Variants in IKBKE observed in about 807,000 individuals in gnomAD.
The protein encoded by IKBKE is inhibitor of nuclear factor kappa-B kinase subunit epsilon.
IKBKE carries 45 observed loss-of-function variants against 92.1 expected under a neutral mutation model. The ratio of observed to expected loss-of-function variants is 0.49; its 90% confidence interval spans 0.38 to 0.63. The LOEUF (loss-of-function observed/expected upper bound fraction) is 0.63. Ranked by LOEUF, IKBKE falls within the 20% of genes least tolerant of loss-of-function variation. The pLI is 0.00. For missense variants in IKBKE, 700 were observed against 932.8 expected, an observed-to-expected ratio of 0.75 and a Z score of 3.25; for synonymous variants, 374 against 380.3, an observed-to-expected ratio of 0.98 and a Z score of 0.19.
chr1:206,477,264 G>C (rs181304788), intron 7 of IKBKE, among the ~76,000 whole-genome samples: 5 of 152,152 alleles, frequency 3.3e-5, no homozygotes, highest in African/African-American at 9.6e-5. Flanking sequence ...CTCCCTCTGA[G>C]TGCACAGCCC....
intron 2 of IKBKE, chr1:206,472,929 A>C: frequency 2.2e-5 from 9 of 413,338 alleles, no homozygotes; most frequent in East Asian, 5.8e-5. Context: ...CTTCAAGGGA[A>C]CGTGGGGAGC....
chr1:206,488,058 T>C, intron 16 of IKBKE, 68 bp downstream of exon 16: 11 of 1,217,012 alleles, frequency 9.0e-6, no homozygotes, highest in African/African-American at 3.0e-5. Flanking sequence ...TTCTTCCTTT[T>C]CACTGGTGCT....
In IKBKE at chr1:206,475,977, G is replaced by A. The variant is rs191301982; in HGVS notation, c.359-204G>A. Among the ~76,000 whole-genome samples, 443 of 151,578 alleles carry A rather than the reference G, an allele frequency of 2.9e-3. 1 individual carries two copies. Among genetic ancestry groups the A allele is most frequent in the Non-Finnish European group, 4.7e-3 (322 of 68,004 alleles). The stretch of plus-strand genomic sequence containing the variant: ...CCATCTTGGTTTCCTAGAGAATCCA[G>A]ATGGTACCTCCATACCCTAGTGTCC... On this transcript the variant is annotated intron_variant, in intron 5 of 21. Coordinates refer to ENST00000581977, the MANE Select transcript of IKBKE (RefSeq NM_014002.4).
At chr1:206,471,873 C>G (rs1664794048) in intron 2 of IKBKE, among the ~76,000 whole-genome samples, 1 of 152,196 alleles carries the variant, frequency 6.6e-6, no homozygotes, top group Non-Finnish European at 1.5e-5. Context: ...CATAGGATTC[C>G]AGGCATGGCA....
chr1:206,483,390 TA>T (rs1553387727), intron 13 of IKBKE, among the ~76,000 whole-genome samples: 2 of 152,194 alleles, frequency 1.3e-5, no homozygotes, highest in Non-Finnish European at 2.9e-5. Context: ...TCCCATGCCT[TA>T]AAATCCATTT....
At chr1:206,484,910 C>T in intron 13 of IKBKE, 87 bp from the exon 14 acceptor site, 1 of 1,067,560 alleles carries the variant, frequency 9.4e-7, no homozygotes, top group Non-Finnish European at 1.4e-6. Flanking sequence ...AGATGCTATG[C>T]CCAGCATGTG....
chr1:206,476,112 C>G lies in IKBKE; in HGVS notation c.359-69C>G. On this transcript the variant is annotated intron_variant, in intron 5 of 21. Transcript: ENST00000581977. This position sits in a 1 kb window ranked among gnomAD's most constrained non-coding sequence, Gnocchi z 5.1. ...CTGGATGCAAGGACAGCCTTCCCAC[C>G]AAGATGAGCCTCAGACACTAGACTG... The G allele has an allele frequency of 6.7e-7, 1 of 1,494,420 alleles. No homozygotes were observed. Among genetic ancestry groups the G allele is most frequent in the East Asian group, 2.3e-5 (1 of 43,456 alleles). The allele number at this position is 1,494,420 out of a possible 1,614,324, so 92.6% of individuals were successfully genotyped here. A position where few individuals can be genotyped will look rare whatever the true frequency, so the allele number is the denominator to read the frequency against.
Position 206,489,735 on chromosome 1 carries a change from A to G in IKBKE, c.1694-1084A>G, listed in dbSNP as rs1665854107. Among the ~76,000 whole-genome samples, 4 of 152,058 alleles carry G rather than the reference A, an allele frequency of 2.6e-5. No individual in the cohort carries two copies. The South Asian group carries it at 6.2e-4, about 24-fold the overall frequency. Reference sequence around the variant, plus strand: ...AAACAACAACAATAACAAAACCTCTAGGCATCATTACCCTCCCCATTTTAT... The same window carrying G: ...AAACAACAACAATAACAAAACCTCTGGGCATCATTACCCTCCCCATTTTAT... On this transcript the variant is annotated intron_variant, in intron 16 of 21. Coordinates refer to ENST00000581977, the MANE Select transcript of IKBKE (RefSeq NM_014002.4).
In IKBKE at chr1:206,476,629, C is replaced by T; in HGVS notation, c.541-49C>T. On this transcript the variant is annotated intron_variant, in intron 6 of 21. Transcript: ENST00000581977. The surrounding 1 kb of genome is among the most constrained non-coding windows in gnomAD (Gnocchi z 5.1). ...AAAGGGGGTCTGACAGGTCTCAGGC[C>T]CTTGCCAGCCCTCCGGCTCCATGGC... 1.2e-6 allele frequency: 2 copies of T among 1,609,682 alleles called. No homozygotes were observed. Among genetic ancestry groups the T allele is most frequent in the Non-Finnish European group, 1.7e-6 (2 of 1,177,266 alleles).
intron 13 of IKBKE, 70 bp downstream of exon 13, chr1:206,480,603 C>A: frequency 1.8e-6 from 2 of 1,091,300 alleles, no homozygotes; most frequent in Non-Finnish European, 2.6e-6. Flanking sequence ...CTAGATACTT[C>A]CAACAATGCA....
At chr1:206,472,597 A>G (rs1664838176) in intron 2 of IKBKE, among the ~76,000 whole-genome samples, 1 of 151,764 alleles carries the variant, frequency 6.6e-6, no homozygotes, top group East Asian at 1.9e-4. Context: ...TCACACACAC[A>G]CACACACACA....
intron 2 of IKBKE, among the ~76,000 whole-genome samples, chr1:206,472,178 G>A (rs564462682): frequency 6.6e-6 from 1 of 152,294 alleles, no homozygotes; most frequent in East Asian, 1.9e-4. Context: ...TTGAGCCCAG[G>A]GGGTGGAGGT....
At chr1:206,472,404 A>C (rs1204282521) in intron 2 of IKBKE, among the ~76,000 whole-genome samples, 1 of 152,160 alleles carries the variant, frequency 6.6e-6, no homozygotes, top group Non-Finnish European at 1.5e-5. Context: ...TCTGGTACTA[A>C]TTGCTTTAGG....
Position 206,476,690 on chromosome 1 carries a change from T to C in IKBKE, c.553T>C (p.Tyr185His). 1.2e-6 allele frequency: 2 copies of C among 1,614,216 alleles called. No individual in the cohort carries two copies. Among genetic ancestry groups the C allele is most frequent in the Admixed American group, 3.3e-5 (2 of 60,028 alleles). The change falls in exon 7 of 22, where the codon TAT becomes CAT. Residue 185 changes from tyrosine (Y) to histidine (H), a missense_variant. Tyr to His is a moderately conservative substitution (Grantham distance 83). Coordinates refer to ENST00000581977, the MANE Select transcript of IKBKE (RefSeq NM_014002.4). This position sits in a 1 kb window ranked among gnomAD's most constrained non-coding sequence, Gnocchi z 5.1. The stretch of plus-strand genomic sequence containing the variant: ...TTCTCTCCGGCAGCATCCCGACATG[T>C]ATGAGCGGGCGGTGCTTCGAAAGCC... Reference protein sequence around the residue: ...GTEEYLHPDMYERAVLRKPQQ... With the variant: ...GTEEYLHPDMHERAVLRKPQQ...
In IKBKE at chr1:206,476,205, A is replaced by T. The variant is rs1186302502; in HGVS notation, c.383A>T (p.Glu128Val). ...GTGGCCGGCATGAACCACCTGCGGG[A>T]GAACGGCATTGTGCATCGCGACATC... Reference protein sequence around the residue: ...CVVAGMNHLRENGIVHRDIKP... With the variant: ...CVVAGMNHLRVNGIVHRDIKP... Residue 128 changes from glutamate (E) to valine (V), a missense_variant, in exon 6 of 22, where the codon GAG becomes GTG. Transcript: ENST00000581977. The surrounding 1 kb of genome is among the most constrained non-coding windows in gnomAD (Gnocchi z 5.1). 2.5e-6 allele frequency: 4 copies of T among 1,614,086 alleles called. No individual in the cohort carries two copies. The Middle Eastern group carries it at 5.0e-4, about 200-fold the overall frequency.
Position 206,482,447 on chromosome 1 carries a change from G to A in IKBKE, c.1427+1914G>A, listed in dbSNP as rs116180610. ...GGACAGGCATGGTGGGGAATGGCACGCTGGCCTGGGTCTGGCGTCCTGGCA... is the reference window on the plus strand; with the variant it reads ...GGACAGGCATGGTGGGGAATGGCACACTGGCCTGGGTCTGGCGTCCTGGCA... On this transcript the variant is annotated intron_variant, in intron 13 of 21. Transcript: ENST00000581977. Among the ~76,000 whole-genome samples the A allele has an allele frequency of 6.4e-3, 972 of 152,322 alleles. 9 individuals carry two copies. Among genetic ancestry groups the A allele is most frequent in the African/African-American group, 0.021 (883 of 41,570 alleles).
At position 206,474,423 on chromosome 1, in the gene IKBKE, G is replaced by A. The variant is rs1190392080; in HGVS notation, c.180G>A (p.Arg60=). 4.3e-6 allele frequency: 7 copies of A among 1,614,030 alleles called. No individual in the cohort carries two copies. Among genetic ancestry groups the A allele is most frequent in the Non-Finnish European group, 5.9e-6 (7 of 1,179,974 alleles). ...AGGTGAGGGAGTTTGAGGTCCTGCG[G>A]AAGCTGAACCACCAGAACATTGTCA... The part of the protein sequence containing the change: ...EVQVREFEVL[R]KLNHQNIVKL... Residue 60 remains arginine, a synonymous_variant, in exon 4 of 22, where the codon CGG becomes CGA. Transcript: ENST00000581977.
Position 206,470,710 on chromosome 1 carries a change from G to C in IKBKE, c.-123+12G>C, listed in dbSNP as rs1335408487. ...GCAGTGGAGATGGGGTGAGTGTGCA[G>C]CGTGCGGAGGGGGGTGGGGGTGGAA... On this transcript the variant is annotated intron_variant, in intron 1 of 21. Transcript: ENST00000581977. 6 of 152,526 alleles carry C rather than the reference G, an allele frequency of 3.9e-5. No individual in the cohort carries two copies. The highest frequency in any genetic ancestry group is 1.2e-4 in the African/African-American group (5 of 41,444). 9.4% of individuals were successfully genotyped at this position (152,526 alleles called of 1,614,324 possible). A position where few individuals can be genotyped will look rare whatever the true frequency, so the allele number is the denominator to read the frequency against.
intron 21 of IKBKE, among the ~76,000 whole-genome samples, 167 bp downstream of exon 21, chr1:206,494,158 T>G (rs1666098670): frequency 6.6e-6 from 1 of 152,246 alleles, no homozygotes. Flanking sequence ...GTTGACATCC[T>G]CAGGAGGTGT....
Sources: gnomAD v4.1 joint callset for allele counts (sites outside exome capture counted in the v4.1 genomes callset) on GRCh38, gnomAD v4.1.1 for gene constraint, Gnocchi (gnomAD v3.1) non-coding constraint, MANE v1.5 for transcripts, NCBI Gene and HGNC (gene_info 2026-07-23, HGNC 2026-07-21) for gene names.